MAGEA11: variants seen among roughly 807,000 people sequenced by gnomAD.
The protein encoded by MAGEA11 is melanoma-associated antigen 11.
Under a neutral mutation model 8.4 loss-of-function variants are expected in MAGEA11, and 1 was observed. That is an observed-to-expected ratio of 0.12 (90% CI 0.04 to 0.57). MAGEA11 has a LOEUF of 0.57. Among genes scored for constraint, MAGEA11 ranks in the 20% least tolerant of loss-of-function variants. The probability of loss-of-function intolerance (pLI) is 0.91; values close to 1 mark genes in which losing one functional copy is unlikely to be tolerated. For missense variants in MAGEA11, 209 were observed against 317.3 expected, an observed-to-expected ratio of 0.66 and a Z score of 2.59; for synonymous variants, 127 against 119.3, an observed-to-expected ratio of 1.06 and a Z score of -0.42.
intron 1 of MAGEA11, among the ~76,000 whole-genome samples, chrX:149,690,919 GT>G (rs1291839477): frequency 8.9e-6 from 1 of 112,040 alleles, no homozygotes; most frequent in African/African-American, 3.2e-5. Flanking sequence ...CAATATAGAA[GT>G]TTACGTCTTT....
At chrX:149,691,240 AT>A (rs1233071687) in intron 1 of MAGEA11, among the ~76,000 whole-genome samples, 2 of 110,399 alleles carry the variant, frequency 1.8e-5, no homozygotes, top group Non-Finnish European at 3.8e-5. Context: ...TTCCTCAAGT[AT>A]TTTTTTATCC....
At chrX:149,689,258 G>T (rs1485440067) in intron 1 of MAGEA11, among the ~76,000 whole-genome samples, 1 of 110,764 alleles carries the variant, frequency 9.0e-6, no homozygotes, top group African/African-American at 3.3e-5. Context: ...CCATGGAGAT[G>T]GTACACACTT....
At chrX:149,695,717 A>G (rs1283080765) in intron 1 of MAGEA11, among the ~76,000 whole-genome samples, 3 of 112,490 alleles carry the variant, frequency 2.7e-5, no homozygotes, top group Admixed American at 9.4e-5. Flanking sequence ...TACTAACTAC[A>G]ATGGCTGCAA....
chrX:149,694,206 G>A (rs1225538342), intron 1 of MAGEA11, among the ~76,000 whole-genome samples: 1 of 111,985 alleles, frequency 8.9e-6, no homozygotes, highest in Non-Finnish European at 1.9e-5. Context: ...TCTAATTTCT[G>A]TATATCCTTA....
At chrX:149,694,809 C>T (rs1468350501) in intron 1 of MAGEA11, among the ~76,000 whole-genome samples, 1 of 110,470 alleles carries the variant, frequency 9.1e-6, no homozygotes, top group Non-Finnish European at 1.9e-5. Context: ...GGAACCTCTG[C>T]CTCCCAGGTT....
At position 149,712,137 on chromosome X, in the gene MAGEA11, G is replaced by C; in HGVS notation, c.-43G>C. The C allele has an allele frequency of 6.6e-6, 5 of 753,477 alleles. No homozygotes were observed. Among genetic ancestry groups the C allele is most frequent in the East Asian group, 1.5e-4 (1 of 6,622 alleles). 62.1% of individuals were successfully genotyped at this position (753,477 alleles called of 1,213,427 possible). ...TGTCTTGAGAGTGGCAGAGGGCAGC[G>C]GGTCCAGGCTCCATGAGGAGGCAAG... On this transcript the variant is annotated 5_prime_UTR_variant, in exon 1 of 5. Coordinates refer to ENST00000355220, the MANE Select transcript of MAGEA11 (RefSeq NM_005366.5).
At chrX:149,710,893 T>A (rs1193715018), upstream of MAGEA11, among the ~76,000 whole-genome samples, 1 of 111,603 alleles carries the variant, frequency 9.0e-6, no homozygotes, top group Non-Finnish European at 1.9e-5. Flanking sequence ...AAAAAAAACA[T>A]GAGAGAGCCC....
intron 1 of MAGEA11, among the ~76,000 whole-genome samples, chrX:149,703,969 C>T (rs959211169): frequency 1.8e-5 from 2 of 112,058 alleles, no homozygotes; most frequent in South Asian, 7.5e-4. Flanking sequence ...GGCTTATAAG[C>T]GACAGAGCTA....
Position 149,715,756 on chromosome X carries a change from G to A in MAGEA11, c.270G>A (p.Leu90=). 1 of 1,202,057 alleles carries A rather than the reference G, an allele frequency of 8.3e-7. No homozygotes were observed. Among genetic ancestry groups the A allele is most frequent in the East Asian group, 3.0e-5 (1 of 33,774 alleles). ...TQRITGGEQV[L]WGPITQIFPT... is the part of the protein sequence containing the mutation. ...CTCACGCTCCCTCTCTCCCCAGGCT[G>A]TGGGGCCCCATCACCCAGATATTTC... The change falls in exon 5 of 5, where the codon CTG becomes CTA. Residue 90 remains leucine, a synonymous_variant. Coordinates refer to ENST00000355220, the MANE Select transcript of MAGEA11 (RefSeq NM_005366.5).
upstream of MAGEA11, among the ~76,000 whole-genome samples, chrX:149,710,228 C>T (rs2090393873): frequency 8.9e-6 from 1 of 112,108 alleles, no homozygotes; most frequent in South Asian, 3.7e-4. Flanking sequence ...AACAAGAAGA[C>T]TAACAAAAGC....
chrX:149,696,142 G>A (rs1432068314), intron 1 of MAGEA11, among the ~76,000 whole-genome samples: 1 of 111,485 alleles, frequency 9.0e-6, no homozygotes, highest in African/African-American at 3.3e-5. Flanking sequence ...ATTGCCTGGA[G>A]TCCAGAAGCA....
chrX:149,701,682 G>C (rs2124290045), intron 1 of MAGEA11, among the ~76,000 whole-genome samples: 1 of 110,341 alleles, frequency 9.1e-6, no homozygotes, highest in East Asian at 2.9e-4. Context: ...TTTTCTTCTA[G>C]GGTTTTTATG....
At chrX:149,708,531 G>A (rs2090386606), upstream of MAGEA11, among the ~76,000 whole-genome samples, 1 of 112,128 alleles carries the variant, frequency 8.9e-6, no homozygotes, top group Admixed American at 9.5e-5. Context: ...TTTGGAGAGA[G>A]ACCCAAGGGT....
At chrX:149,697,547 A>C (rs2090334692) in intron 1 of MAGEA11, among the ~76,000 whole-genome samples, 1 of 110,587 alleles carries the variant, frequency 9.0e-6, no homozygotes, top group Non-Finnish European at 1.9e-5. Flanking sequence ...TGGAAGGTCC[A>C]TGATGCCCCT....
chrX:149,692,381 TG>T (rs1557360210), intron 1 of MAGEA11, among the ~76,000 whole-genome samples: 1 of 109,524 alleles, frequency 9.1e-6, no homozygotes, highest in African/African-American at 3.4e-5. Flanking sequence ...CACAACAGCT[TG>T]GGCACCAGAG....
chrX:149,715,786 A>C lies in MAGEA11; in HGVS notation c.300A>C (p.Thr100=), dbSNP rs782309510. ...GCCCCATCACCCAGATATTTCCCACAGTTCGGCCTGCTGACCTAACCAGAG... is the reference window on the plus strand; with the variant it reads ...GCCCCATCACCCAGATATTTCCCACCGTTCGGCCTGCTGACCTAACCAGAG... ...LWGPITQIFP[T]VRPADLTRVI... is the part of the protein sequence containing the mutation. The change falls in exon 5 of 5, where the codon ACA becomes ACC. Residue 100 remains threonine (T), a synonymous_variant. Transcript: ENST00000355220. 8.3e-7 allele frequency: 1 copy of C among 1,201,118 alleles called. No individual in the cohort carries two copies. Among genetic ancestry groups the C allele is most frequent in the African/African-American group, 1.8e-5 (1 of 56,697 alleles).
At chrX:149,692,525 A>G (rs952899460) in intron 1 of MAGEA11, among the ~76,000 whole-genome samples, 1 of 111,158 alleles carries the variant, frequency 9.0e-6, no homozygotes, top group African/African-American at 3.3e-5. Flanking sequence ...AGTTTGTTTC[A>G]TTTTTCCATT....
At chrX:149,690,088 T>C (rs1557360008) in intron 1 of MAGEA11, among the ~76,000 whole-genome samples, 1 of 111,589 alleles carries the variant, frequency 9.0e-6, no homozygotes, top group East Asian at 2.8e-4. Context: ...AACAGCACTA[T>C]GGGCATGTTC....
At chrX:149,697,635 G>A (rs1557360654) in intron 1 of MAGEA11, among the ~76,000 whole-genome samples, 1 of 110,346 alleles carries the variant, frequency 9.1e-6, no homozygotes, top group African/African-American at 3.3e-5. Context: ...AGGAATTCAG[G>A]ACTCCTGGCT....
Sources: gnomAD v4.1 joint callset for allele counts (sites outside exome capture counted in the v4.1 genomes callset) on GRCh38, gnomAD v4.1.1 for gene constraint, MANE v1.5 for transcripts, NCBI Gene and HGNC (gene_info 2026-07-23, HGNC 2026-07-21) for gene names.